ZNF385D: variants seen among roughly 807,000 people sequenced by gnomAD.
The protein encoded by ZNF385D is zinc finger protein 385D.
Under a neutral mutation model 35.8 loss-of-function variants are expected in ZNF385D, and 15 were observed. That is an observed-to-expected ratio of 0.42 (90% confidence interval 0.28 to 0.64). The LOEUF (loss-of-function observed/expected upper bound fraction) is 0.64, where lower values mean the gene tolerates loss of function less well. Among genes scored for constraint, ZNF385D ranks in the 30% least tolerant of loss-of-function variants. ZNF385D has a pLI of 0.23. For synonymous variants in ZNF385D, 212 were observed against 186.8 expected (o/e 1.13, Z -1.10); for missense variants, 474 against 494.6 (o/e 0.96, Z 0.39).
chr3:21,926,445 C>T lies in ZNF385D; in HGVS notation c.325+242372G>A, dbSNP rs574683386. Among the ~76,000 whole-genome samples, 323 of 152,206 alleles carry T rather than the reference C, an allele frequency of 2.1e-3. 2 individuals are homozygous for T. The highest frequency in any genetic ancestry group is 7.4e-3 in the African/African-American group (308 of 41,534). On this transcript the variant is annotated intron_variant, in intron 3 of 5. Transcript: ENST00000494108. ...TGATGGTTTCCAGCTTAATCCATGT[C>T]CCTGCAAAGGACACGAACTCATCCT...
chr3:22,159,183 C>T (rs1317752766), intron 3 of ZNF385D, among the ~76,000 whole-genome samples: 2 of 151,908 alleles, frequency 1.3e-5, no homozygotes, highest in Non-Finnish European at 2.9e-5. Context: ...CTGTAAGCTG[C>T]CAATACCTTC....
intron 1 of ZNF385D, among the ~76,000 whole-genome samples, chr3:21,678,705 CCTG>C (rs1473626329): frequency 6.6e-6 from 1 of 152,006 alleles, no homozygotes; most frequent in Non-Finnish European, 1.5e-5. Context: ...AGCAGGAATG[CCTG>C]CTGAGAGGGG....
chr3:22,026,094 G>A (rs997056439), intron 3 of ZNF385D, among the ~76,000 whole-genome samples: 2 of 152,152 alleles, frequency 1.3e-5, no homozygotes, highest in East Asian at 3.9e-4. Context: ...GCTAGAGGTT[G>A]ACATTGATAG....
intron 1 of ZNF385D, among the ~76,000 whole-genome samples, chr3:21,737,245 T>C (rs1418749921): frequency 6.6e-6 from 1 of 152,218 alleles, no homozygotes; most frequent in Non-Finnish European, 1.5e-5. Flanking sequence ...GATACATGTG[T>C]CCATGTAACA....
Position 21,665,122 on chromosome 3 carries a change from G to T in ZNF385D, c.23-94C>A, listed in dbSNP as rs138873416. On this transcript the variant is annotated intron_variant, in intron 1 of 7. Coordinates refer to ENST00000281523, the MANE Select transcript of ZNF385D (RefSeq NM_024697.3). ...TGAGACAAAAAAGGCCAGCTTTGTG[G>T]GTCACTGGAAAAAACAAGACATGGA... The T allele has an allele frequency of 1.5e-5, 21 of 1,433,884 alleles. No homozygotes were observed. The East Asian group carries it at 5.2e-4, about 36-fold the overall frequency. 88.8% of individuals were successfully genotyped at this position (1,433,884 alleles called of 1,614,324 possible). A position where few individuals can be genotyped will look rare whatever the true frequency, so the allele number is the denominator to read the frequency against.
intron 2 of ZNF385D, among the ~76,000 whole-genome samples, chr3:21,603,196 T>G (rs960891150): frequency 6.6e-6 from 1 of 152,204 alleles, no homozygotes; most frequent in Non-Finnish European, 1.5e-5. Context: ...AAGAGGTATG[T>G]GATTTAACTA....
At chr3:21,959,454 A>G (rs12490009) in intron 3 of ZNF385D, among the ~76,000 whole-genome samples, 16,020 of 152,244 alleles carry the variant, frequency 0.11, 1,131 homozygotes, top group South Asian at 0.22. Context: ...CAAAAATCCA[A>G]TCTCTATCTT....
intron 2 of ZNF385D, among the ~76,000 whole-genome samples, chr3:22,360,880 A>AT (rs1281599816): frequency 6.6e-6 from 1 of 152,020 alleles, no homozygotes; most frequent in Non-Finnish European, 1.5e-5. Context: ...CAGTTGGCAC[A>AT]TTTTTGTTTC....
chr3:22,268,566 T>C (rs1701013807), intron 2 of ZNF385D, among the ~76,000 whole-genome samples: 1 of 152,060 alleles, frequency 6.6e-6, no homozygotes, highest in South Asian at 2.1e-4. Flanking sequence ...GCAATATGCA[T>C]GCAAAGAGGC....
intron 2 of ZNF385D, among the ~76,000 whole-genome samples, chr3:22,361,781 G>T (rs537831938): frequency 2.6e-4 from 40 of 152,020 alleles, no homozygotes; most frequent in African/African-American, 8.9e-4. Flanking sequence ...CAAATTACTT[G>T]ATCTCGGAAA....
intron 3 of ZNF385D, among the ~76,000 whole-genome samples, chr3:22,080,484 T>C (rs1190940093): frequency 6.6e-6 from 1 of 152,120 alleles, no homozygotes; most frequent in Non-Finnish European, 1.5e-5. Flanking sequence ...TAAAATCATA[T>C]AAATAAAAGC....
At position 21,696,764 on chromosome 3, in the gene ZNF385D, G is replaced by C. The variant is rs548632724; in HGVS notation, c.23-31736C>G. On this transcript the variant is annotated intron_variant, in intron 1 of 7. Transcript: ENST00000281523. The stretch of plus-strand genomic sequence containing the variant: ...TTCTACAAAACAGTGCTTTATTGTG[G>C]GGGAAAATCTACTCCTGAGTCAACC... Among the ~76,000 whole-genome samples, 4 of 152,256 alleles carry C rather than the reference G, an allele frequency of 2.6e-5. No homozygotes were observed. In the South Asian group the frequency reaches 8.3e-4, roughly 32 times the overall value.
At chr3:22,166,546 C>T (rs34367626) in intron 3 of ZNF385D, among the ~76,000 whole-genome samples, 9,530 of 152,172 alleles carry the variant, frequency 0.063, 404 homozygotes, top group Non-Finnish European at 0.093. Context: ...TCAATGTCCA[C>T]ATCTATAAAA....
chr3:22,274,368 C>A (rs1241419462), intron 2 of ZNF385D, among the ~76,000 whole-genome samples: 1 of 151,892 alleles, frequency 6.6e-6, no homozygotes, highest in East Asian at 1.9e-4. Flanking sequence ...TCATAATAAT[C>A]TATATGGATG....
At chr3:21,967,405 T>G (rs1212374334) in intron 3 of ZNF385D, among the ~76,000 whole-genome samples, 2 of 152,320 alleles carry the variant, frequency 1.3e-5, no homozygotes, top group Admixed American at 1.3e-4. Context: ...AACTTCTACT[T>G]CCAGCTATTT....
intron 2 of ZNF385D, among the ~76,000 whole-genome samples, chr3:22,223,072 C>T (rs1051065004): frequency 6.6e-6 from 1 of 151,970 alleles, no homozygotes; most frequent in African/African-American, 2.4e-5. Context: ...TCTATACTTT[C>T]TTGGATATTA....
At chr3:21,482,691 A>G (rs1256598004) in intron 4 of ZNF385D, among the ~76,000 whole-genome samples, 5 of 152,150 alleles carry the variant, frequency 3.3e-5, no homozygotes, top group Non-Finnish European at 1.5e-5. Flanking sequence ...AATTAGGTCA[A>G]CCAACTCAAA....
At chr3:21,896,184 G>A (rs111942691) in intron 3 of ZNF385D, among the ~76,000 whole-genome samples, 1 of 151,924 alleles carries the variant, frequency 6.6e-6, no homozygotes, top group African/African-American at 2.4e-5. Context: ...ATGGAAACCA[G>A]AAAAAAAGAA....
At chr3:21,662,933 C>A (rs887635603) in intron 2 of ZNF385D, among the ~76,000 whole-genome samples, 4 of 152,184 alleles carry the variant, frequency 2.6e-5, no homozygotes, top group Admixed American at 2.0e-4. Flanking sequence ...TTAACCCACA[C>A]AACCCTTACC....
Sources: allele counts gnomAD v4.1 joint callset (sites outside exome capture counted in the v4.1 genomes callset), GRCh38; gene constraint gnomAD v4.1.1; transcripts MANE v1.5; gene names NCBI Gene and HGNC (gene_info 2026-07-23, HGNC 2026-07-21).